SLC25A26: variants seen among roughly 807,000 people sequenced by gnomAD.
The protein encoded by SLC25A26 is mitochondrial S-adenosylmethionine carrier protein.
A neutral mutation model predicts 37.8 loss-of-function variants in SLC25A26; 36 were observed. That is an observed-to-expected ratio of 0.95 (90% confidence interval 0.73 to 1.26). SLC25A26 has a LOEUF of 1.26. Among genes scored for constraint, SLC25A26 ranks in the 50% most tolerant of loss-of-function variants. SLC25A26 has a pLI of 0.00. For missense variants in SLC25A26, 390 were observed against 331.1 expected (o/e 1.18, Z -1.38); for synonymous variants, 129 against 122.5 (o/e 1.05, Z -0.35).
intron 1 of SLC25A26, among the ~76,000 whole-genome samples, chr3:66,136,368 A>G (rs1476588240): frequency 2.0e-5 from 3 of 152,206 alleles, no homozygotes; most frequent in Non-Finnish European, 2.9e-5. Flanking sequence ...AGATACACAA[A>G]TGGCCAGTTT....
intron 1 of SLC25A26, among the ~76,000 whole-genome samples, chr3:66,213,399 C>CAAA (rs1169648803): frequency 0.021 from 603 of 28,852 alleles, 77 homozygotes; most frequent in East Asian, 0.044. Context: ...GACTCTGTCT[C>CAAA]AAAAAAAAAA....
intron 1 of SLC25A26, among the ~76,000 whole-genome samples, chr3:66,207,831 AG>A (rs2071200728): frequency 6.6e-6 from 1 of 152,228 alleles, no homozygotes; most frequent in Non-Finnish European, 1.5e-5. Context: ...GCAGAAATTA[AG>A]AAATAGAAGT....
At chr3:66,226,444 G>T (rs144787961) in intron 1 of SLC25A26, among the ~76,000 whole-genome samples, 78 of 152,172 alleles carry the variant, frequency 5.1e-4, no homozygotes, top group African/African-American at 1.8e-3. Context: ...GATTTGGTTG[G>T]GGACCCAGAG....
intron 3 of SLC25A26, among the ~76,000 whole-genome samples, chr3:66,260,798 T>TATAA (rs1465495306): frequency 4.6e-5 from 7 of 152,216 alleles, no homozygotes. Flanking sequence ...TATTATTATG[T>TATAA]ATAGATGCTT....
In SLC25A26 at chr3:66,262,148, A is replaced by T; in HGVS notation, c.398A>T (p.Tyr133Phe). Residue 133 changes from tyrosine (Y) to phenylalanine (F), a missense_variant, in exon 4 of 10, where the codon TAT (tyrosine) becomes TTT (phenylalanine). Transcript: ENST00000354883. ...RTFQIFSNIL[Y>F]EEGIQGLYRG... ...TTTCAGATTTTCTCTAACATCTTAT[A>T]TGAAGAGGTGAGATGGGTTTTTTAA... 6.5e-7 allele frequency: 1 copy of T among 1,532,258 alleles called. No homozygotes were observed. Among genetic ancestry groups the T allele is most frequent in the Non-Finnish European group, 8.9e-7 (1 of 1,126,890 alleles). 94.9% of individuals were successfully genotyped at this position (1,532,258 alleles called of 1,614,324 possible).
intron 1 of SLC25A26, among the ~76,000 whole-genome samples, chr3:66,150,028 A>G (rs2070176740): frequency 6.6e-6 from 1 of 152,130 alleles, no homozygotes; most frequent in Admixed American, 6.6e-5. Flanking sequence ...GGGGCTTTTC[A>G]AGGTTCATAG....
intron 1 of SLC25A26, among the ~76,000 whole-genome samples, chr3:66,155,097 T>C (rs2106699653): frequency 6.6e-6 from 1 of 152,372 alleles, no homozygotes; most frequent in East Asian, 1.9e-4. Flanking sequence ...TTAATAGCTG[T>C]CATTCCTGCT....
intron 9 of SLC25A26, among the ~76,000 whole-genome samples, chr3:66,375,781 C>T (rs150906813): frequency 6.6e-6 from 1 of 152,118 alleles, no homozygotes; most frequent in African/African-American, 2.4e-5. Context: ...TGTTCTCATG[C>T]CTACTATCAA....
In SLC25A26 at chr3:66,236,621, C is replaced by T; in HGVS notation, c.111C>T (p.Pro37=). The change falls in exon 2 of 10, where the codon CCC becomes CCT. Residue 37 remains proline, a synonymous_variant. Transcript: ENST00000354883. ...CCATTAAAACCAGGCTGCAGAGTCC[C>T]CAAGGATTTAGTAAGGCTGGTGGTT... ...LDTIKTRLQS[P]QGFSKAGGFH... 1 of 1,526,796 alleles carries T rather than the reference C, an allele frequency of 6.5e-7. No individual in the cohort carries two copies. The highest frequency in any genetic ancestry group is 8.8e-7 in the Non-Finnish European group (1 of 1,140,006). The allele number at this position is 1,526,796 out of a possible 1,614,324, so 94.6% of individuals were successfully genotyped here.
At chr3:66,359,546 G>A (rs572529847) in intron 6 of SLC25A26, among the ~76,000 whole-genome samples, 2 of 152,156 alleles carry the variant, frequency 1.3e-5, no homozygotes, top group Admixed American at 6.5e-5. Context: ...AACTGAAAGT[G>A]ACCTTTAGTC....
chr3:66,248,120 C>T (rs1050164051), intron 3 of SLC25A26, among the ~76,000 whole-genome samples: 3 of 151,966 alleles, frequency 2.0e-5, no homozygotes, highest in African/African-American at 7.3e-5. Flanking sequence ...TTTCTTGTAG[C>T]AACTATTAAG....
In SLC25A26 at chr3:66,377,755, C is replaced by A; in HGVS notation, c.773C>A (p.Ala258Asp). The A allele has an allele frequency of 6.2e-7, 1 of 1,613,878 alleles. No homozygotes were observed. Among genetic ancestry groups the A allele is most frequent in the South Asian group, 1.1e-5 (1 of 91,058 alleles). Residue 258 changes from alanine (A) to aspartate (D), a missense_variant, in exon 10 of 10, where the codon GCT becomes GAT. Ala to Asp is a moderately radical substitution (Grantham distance 126). Transcript: ENST00000354883. ...CTGGGAGGTTTCATCTTTCTGGGGG[C>A]TTATGACCGAACGCACAGCTTGCTG... ...ISLGGFIFLG[A>D]YDRTHSLLLE...
chr3:66,152,763 T>C (rs1008384054), intron 1 of SLC25A26, among the ~76,000 whole-genome samples: 5 of 152,224 alleles, frequency 3.3e-5, no homozygotes, highest in Non-Finnish European at 5.9e-5. Context: ...GTAGCTTATA[T>C]TGTCCTAGCT....
intron 9 of SLC25A26, chr3:66,371,560 G>A: frequency 9.9e-6 from 11 of 1,106,838 alleles, no homozygotes; most frequent in Non-Finnish European, 1.3e-5. Flanking sequence ...GGTGTGAAGG[G>A]TGTCACGGTT....
intron 6 of SLC25A26, among the ~76,000 whole-genome samples, chr3:66,361,418 G>T (rs1374626477): frequency 2.0e-5 from 3 of 152,170 alleles, no homozygotes; most frequent in African/African-American, 7.2e-5. Flanking sequence ...AAAAACTTCG[G>T]TTCTTTGAAA....
intron 5 of SLC25A26, among the ~76,000 whole-genome samples, chr3:66,323,376 C>T (rs943902309): frequency 1.7e-4 from 26 of 152,316 alleles, no homozygotes; most frequent in African/African-American, 5.8e-4. Context: ...ATTGTAACCA[C>T]CCAACAAGTT....
chr3:66,221,037 G>T lies in SLC25A26; in HGVS notation c.-58G>T, dbSNP rs1242879142. 2 of 1,526,914 alleles carry T rather than the reference G, an allele frequency of 1.3e-6. No individual in the cohort carries two copies. The highest frequency in any genetic ancestry group is 1.2e-5 in the South Asian group (1 of 83,860). 94.6% of individuals were successfully genotyped at this position (1,526,914 alleles called of 1,614,324 possible). ...AAACATGGCGGCGCCCAGCGCGCGAGGACGTGATCCGCTTCTGCTCCGGCT... is the reference window on the plus strand; with the variant it reads ...AAACATGGCGGCGCCCAGCGCGCGATGACGTGATCCGCTTCTGCTCCGGCT... On this transcript the variant is annotated 5_prime_UTR_variant, in exon 1 of 10. The change creates a new upstream start codon in the 5' untranslated region. Coordinates refer to ENST00000354883, the MANE Select transcript of SLC25A26 (RefSeq NM_001379210.1).
chr3:66,159,129 C>G (rs560890391), intron 1 of SLC25A26, among the ~76,000 whole-genome samples: 1 of 152,338 alleles, frequency 6.6e-6, no homozygotes, highest in South Asian at 2.1e-4. Flanking sequence ...ACGGTGGGCC[C>G]GTGTCCTGCT....
intron 5 of SLC25A26, among the ~76,000 whole-genome samples, chr3:66,313,703 C>G (rs992617489): frequency 2.0e-5 from 3 of 152,096 alleles, no homozygotes; most frequent in African/African-American, 7.2e-5. Context: ...CTATAAATTA[C>G]TTAGGGTGGT....
Sources: allele counts gnomAD v4.1 joint callset (sites outside exome capture counted in the v4.1 genomes callset), GRCh38; gene constraint gnomAD v4.1.1; transcripts MANE v1.5; gene names NCBI Gene and HGNC (gene_info 2026-07-23, HGNC 2026-07-21).